PTK2: variants seen among roughly 807,000 people sequenced by gnomAD.
PTK2 encodes protein tyrosine kinase 2.
In PTK2, 45 loss-of-function variants were observed where a neutral mutation model predicts 150.1. That is an observed-to-expected ratio of 0.30 (90% CI 0.24 to 0.38). The LOEUF (loss-of-function observed/expected upper bound fraction) is 0.38, where lower values mean the gene tolerates loss of function less well. Among genes scored for constraint, PTK2 ranks in the 10% least tolerant of loss-of-function variants. The pLI, the probability that PTK2 is intolerant of heterozygous loss-of-function variation, is 1.00. For missense variants in PTK2, 919 were observed against 1,307.3 expected, an observed-to-expected ratio of 0.70 and a Z score of 4.58; for synonymous variants, 432 against 449.2, an observed-to-expected ratio of 0.96 and a Z score of 0.48.
intron 27 of PTK2, 90 bp downstream of exon 30, chr8:140,686,542 T>G: frequency 1.0e-6 from 1 of 998,714 alleles, no homozygotes. Context: ...ATTACAAATA[T>G]TAGTAAACTT....
At chr8:140,693,887 T>G (rs1161308117) in intron 26 of PTK2, among the ~76,000 whole-genome samples, 1 of 152,132 alleles carries the variant, frequency 6.6e-6, no homozygotes, top group African/African-American at 2.4e-5. Context: ...AGCAAGTTAA[T>G]TTTTCAAACA....
chr8:140,781,472 C>T (rs540724540), intron 14 of PTK2, among the ~76,000 whole-genome samples: 2 of 152,088 alleles, frequency 1.3e-5, no homozygotes, highest in South Asian at 2.1e-4. Context: ...CCCTTTATAG[C>T]GTGGGGGCTG....
intron 1 of PTK2, among the ~76,000 whole-genome samples, chr8:140,974,954 TTC>T (rs1480484816): frequency 6.6e-6 from 1 of 152,192 alleles, no homozygotes; most frequent in South Asian, 2.1e-4. Context: ...GCTGGATTCC[TTC>T]TCTCTCAGCC....
At chr8:140,872,617 C>T (rs1240615158) in intron 4 of PTK2, among the ~76,000 whole-genome samples, 1 of 152,178 alleles carries the variant, frequency 6.6e-6, no homozygotes, top group South Asian at 2.1e-4. Context: ...CAGCCTCAGA[C>T]CCTAATGGTC....
At chr8:140,748,716 G>C (rs1030883299) in intron 17 of PTK2, among the ~76,000 whole-genome samples, 3 of 152,110 alleles carry the variant, frequency 2.0e-5, no homozygotes, top group African/African-American at 7.2e-5. Flanking sequence ...ATACATATCT[G>C]TGTGTGAACA....
rs1365843061 is a variant in PTK2, at chr8:140,686,564, G to GA, written c.2562+67dup. 4 of 1,196,614 alleles carry GA rather than the reference G, an allele frequency of 3.3e-6. No homozygotes were observed. In the African/African-American group the frequency reaches 6.1e-5, roughly 18 times the overall value. 74.1% of individuals were successfully genotyped at this position (1,196,614 alleles called of 1,614,324 possible). On this transcript the variant is annotated intron_variant, in intron 27 of 31. Coordinates refer to ENST00000522684, the Ensembl canonical transcript of PTK2. ...ATATTAGTAAACTTGGATATATTGTGACATAAACACTGATGGTCCACGCAC... is the reference window on the plus strand; with the variant it reads ...ATATTAGTAAACTTGGATATATTGTGAACATAAACACTGATGGTCCACGCAC...
At chr8:140,679,850 T>C (rs2100016053) in intron 27 of PTK2, among the ~76,000 whole-genome samples, 2 of 152,198 alleles carry the variant, frequency 1.3e-5, no homozygotes, top group Admixed American at 1.3e-4. Context: ...GGCACATTTC[T>C]AAAAGTGTTA....
chr8:140,927,958 G>GAAAAAAAAAAAAAAAAAAAAAAAAAA (rs57931737), intron 1 of PTK2, among the ~76,000 whole-genome samples: 3 of 63,638 alleles, frequency 4.7e-5, no homozygotes, highest in Admixed American at 2.7e-4. Flanking sequence ...AAAAAAAAAA[G>GAAAAAAAAAAAAAAAAAAAAAAAAAA]AAAAAAAAAA....
intron 7 of PTK2, among the ~76,000 whole-genome samples, chr8:140,842,529 T>A (rs897209519): frequency 2.6e-5 from 4 of 152,116 alleles, no homozygotes; most frequent in African/African-American, 9.7e-5. Flanking sequence ...GGTATCACCA[T>A]TATCCCCATT....
At chr8:140,927,967 A>G (rs1569055223) in intron 1 of PTK2, among the ~76,000 whole-genome samples, 3 of 83,400 alleles carry the variant, frequency 3.6e-5, no homozygotes, top group South Asian at 8.4e-4. Context: ...AGAAAAAAAA[A>G]AAAAAAAAAT....
chr8:140,833,736 A>C (rs1365655746), intron 7 of PTK2, among the ~76,000 whole-genome samples: 2 of 152,242 alleles, frequency 1.3e-5, no homozygotes, highest in Non-Finnish European at 2.9e-5. Flanking sequence ...TTTATCATAC[A>C]ATAATTCCTT....
chr8:140,732,444 A>T, intron 22 of PTK2: 1 of 434,882 alleles, frequency 2.3e-6, no homozygotes, highest in Non-Finnish European at 4.5e-6. Flanking sequence ...AATTTACCTC[A>T]GTGGAGCATT....
At chr8:140,934,359 T>G (rs769746586) in intron 1 of PTK2, 16 of 152,272 alleles carry the variant, frequency 1.1e-4, no homozygotes, top group African/African-American at 1.7e-4. Context: ...CAGCATACCA[T>G]GATCACACCT....
In PTK2 at chr8:140,823,833, G is replaced by A. The variant is rs138150384; in HGVS notation, c.649-4813C>T. On this transcript the variant is annotated intron_variant, in intron 8 of 31. Transcript: ENST00000522684. The stretch of plus-strand genomic sequence containing the variant: ...TGTATGGGACAGAAATCTGAGGCCA[G>A]GCCCTGTATTTTCTTCTTCCTCCTC... Among the ~76,000 whole-genome samples the A allele has an allele frequency of 3.5e-3, 538 of 152,274 alleles. 4 individuals carry two copies. The highest frequency in any genetic ancestry group is 0.013 in the African/African-American group (523 of 41,544).
At chr8:140,825,891 G>A (rs1165801340) in intron 8 of PTK2, among the ~76,000 whole-genome samples, 1 of 152,170 alleles carries the variant, frequency 6.6e-6, no homozygotes, top group Non-Finnish European at 1.5e-5. Context: ...ATTTTTAAAT[G>A]TGTCTTTAAA....
intron 1 of PTK2, among the ~76,000 whole-genome samples, chr8:140,951,281 G>A (rs2100179464): frequency 6.6e-6 from 1 of 152,152 alleles, no homozygotes; most frequent in Admixed American, 6.5e-5. Context: ...AACAAGGCAA[G>A]GACCAAGAAC....
At chr8:140,676,380 AAATTAATTAATTAATT>A (rs57904871) in intron 27 of PTK2, among the ~76,000 whole-genome samples, 5 of 131,590 alleles carry the variant, frequency 3.8e-5, no homozygotes, top group East Asian at 4.1e-4. Flanking sequence ...TGTCTCAAAA[AAATTAATTAATTAATT>A]AATTAATTAA....
At chr8:140,881,007 G>A (rs1749049517) in intron 3 of PTK2, among the ~76,000 whole-genome samples, 1 of 152,070 alleles carries the variant, frequency 6.6e-6, no homozygotes, top group Admixed American at 6.6e-5. Flanking sequence ...GAGTAAACAT[G>A]GTATCAAGAG....
At chr8:140,946,408 C>A (rs759705945) in intron 1 of PTK2, among the ~76,000 whole-genome samples, 1 of 152,038 alleles carries the variant, frequency 6.6e-6, no homozygotes, top group African/African-American at 2.4e-5. Context: ...GAGGAAAGAC[C>A]ACGTAAGAGA....
Sources: allele counts gnomAD v4.1 joint callset (sites outside exome capture counted in the v4.1 genomes callset), GRCh38; gene constraint gnomAD v4.1.1; transcripts MANE v1.5; gene names NCBI Gene and HGNC (gene_info 2026-07-23, HGNC 2026-07-21).